Variants in PTPN3 observed in about 807,000 individuals in gnomAD.
The protein encoded by PTPN3 is protein tyrosine phosphatase non-receptor type 3.
PTPN3 carries 96 observed loss-of-function variants against 132.7 expected under a neutral mutation model. The ratio of observed to expected loss-of-function variants is 0.72; its 90% CI spans 0.61 to 0.86. The LOEUF (loss-of-function observed/expected upper bound fraction) is 0.86. Among genes scored for constraint, PTPN3 ranks in the 40% least tolerant of loss-of-function variants. The pLI is 0.00. For missense variants in PTPN3, 1,125 were observed against 1,159.6 expected, an observed-to-expected ratio of 0.97 and a Z score of 0.43; for synonymous variants, 398 against 429.0, an observed-to-expected ratio of 0.93 and a Z score of 0.89.
At chr9:109,523,116 CTT>C in the PTPN3 span, among the ~76,000 whole-genome samples, 487 of 140,104 alleles carry the variant, frequency 3.5e-3, 5 homozygotes, top group African/African-American at 0.011. Flanking sequence ...AAATTTATAT[CTT>C]TTTTTTTTTT....
intron 1 of PTPN3, among the ~76,000 whole-genome samples, chr9:109,497,747 T>C (rs2132136037): frequency 6.6e-6 from 1 of 152,192 alleles, no homozygotes; most frequent in African/African-American, 2.4e-5. Context: ...AATGCCATCT[T>C]TGAAAGCCGA....
intron 1 of PTPN3, among the ~76,000 whole-genome samples, chr9:109,467,471 G>C (rs1367749762): frequency 6.6e-6 from 1 of 152,126 alleles, no homozygotes; most frequent in East Asian, 1.9e-4. Flanking sequence ...TAAAGGAGTG[G>C]GTTTCCAGGG....
intron 7 of PTPN3, among the ~76,000 whole-genome samples, chr9:109,439,460 AC>A: frequency 6.6e-6 from 1 of 152,258 alleles, no homozygotes; most frequent in Non-Finnish European, 1.5e-5. Flanking sequence ...CCTCCTGAGG[AC>A]TCTCAATTCA....
In PTPN3 at chr9:109,422,115, G is replaced by A. The variant is rs1333526712; in HGVS notation, c.1136+603C>T. On this transcript the variant is annotated intron_variant, in intron 13 of 25. Coordinates refer to ENST00000374541, the MANE Select transcript of PTPN3 (RefSeq NM_002829.4). The stretch of plus-strand genomic sequence containing the variant: ...TAGATATGGGGAAACTGAGGCTACA[G>A]AGGTAAAGAAACTTGTTAATTAACA... 1.1e-4 allele frequency among the ~76,000 whole-genome samples: 17 copies of A among 149,138 alleles called. No individual in the cohort carries two copies. In the Admixed American group the frequency reaches 1.2e-3, roughly 10 times the overall value.
chr9:109,447,148 A>G (rs1844918081), intron 6 of PTPN3, among the ~76,000 whole-genome samples: 1 of 152,184 alleles, frequency 6.6e-6, no homozygotes, highest in Non-Finnish European at 1.5e-5. Context: ...CCTGATTCAC[A>G]TGGAAATAAC....
the PTPN3 span, among the ~76,000 whole-genome samples, chr9:109,516,959 A>C: frequency 0.62 from 93,667 of 151,926 alleles, 29,090 homozygotes; most frequent in Admixed American, 0.71. Flanking sequence ...CCTCTTAGGC[A>C]CATGTGGATA....
At position 109,427,143 on chromosome 9, in the gene PTPN3, G is replaced by C. The variant is rs750373941; in HGVS notation, c.829-21C>G. The C allele has an allele frequency of 3.1e-6, 5 of 1,612,160 alleles. No homozygotes were observed. In the South Asian group the frequency reaches 4.4e-5, roughly 14 times the overall value. Reference sequence around the variant, plus strand: ...TCAGCCTGGGAGGAAAAACAGTCAAGATTTCACCCACACAGACATAGGAGC... The same window carrying C: ...TCAGCCTGGGAGGAAAAACAGTCAACATTTCACCCACACAGACATAGGAGC... On this transcript the variant is annotated intron_variant, in intron 11 of 25. Transcript: ENST00000374541.
chr9:109,520,824 G>A, the PTPN3 span, among the ~76,000 whole-genome samples: 3 of 152,172 alleles, frequency 2.0e-5, no homozygotes, highest in African/African-American at 4.8e-5. Flanking sequence ...GCAAAGACTC[G>A]AAAGTCCTGT....
the PTPN3 span, among the ~76,000 whole-genome samples, chr9:109,510,558 T>TAAAAAAAAAAAA: frequency 1.6e-4 from 12 of 74,128 alleles, no homozygotes; most frequent in African/African-American, 5.4e-4. Context: ...AACTTTGTCT[T>TAAAAAAAAAAAA]AAAAAAAAAA....
chr9:109,419,486 T>C (rs577935475), intron 14 of PTPN3, among the ~76,000 whole-genome samples: 1 of 152,260 alleles, frequency 6.6e-6, no homozygotes, highest in Non-Finnish European at 1.5e-5. Flanking sequence ...ATGACTATGG[T>C]TGATTTCCTA....
At chr9:109,380,311 A>G (rs761567569) in intron 25 of PTPN3, among the ~76,000 whole-genome samples, 1 of 152,044 alleles carries the variant, frequency 6.6e-6, no homozygotes, top group Non-Finnish European at 1.5e-5. Flanking sequence ...GCTGGAGTGC[A>G]GTGGCGTAAT....
At chr9:109,508,334 G>A in the PTPN3 span, among the ~76,000 whole-genome samples, 2 of 152,114 alleles carry the variant, frequency 1.3e-5, no homozygotes, top group Non-Finnish European at 2.9e-5. Flanking sequence ...CTAATTTTTT[G>A]TATTTTTAGT....
chr9:109,500,341 C>T (rs1156635691), upstream of PTPN3, among the ~76,000 whole-genome samples: 1 of 152,196 alleles, frequency 6.6e-6, no homozygotes, highest in Non-Finnish European at 1.5e-5. Context: ...TCTTTTCCCA[C>T]AGCTAACAGC....
chr9:109,485,766 C>A (rs374875317), intron 1 of PTPN3, among the ~76,000 whole-genome samples: 1 of 152,142 alleles, frequency 6.6e-6, no homozygotes, highest in Non-Finnish European at 1.5e-5. Context: ...TGTCCTGGAG[C>A]AGCTCACGAG....
intron 8 of PTPN3, 119 bp from the exon 9 acceptor site, chr9:109,437,089 A>G: frequency 6.9e-7 from 1 of 1,459,512 alleles, no homozygotes; most frequent in South Asian, 1.4e-5. Flanking sequence ...GCCTTATGTT[A>G]TCAATCTTCA....
intron 12 of PTPN3, among the ~76,000 whole-genome samples, chr9:109,425,907 G>C (rs1175379025): frequency 6.6e-6 from 1 of 151,488 alleles, no homozygotes; most frequent in Non-Finnish European, 1.5e-5. Context: ...CTAGCTACTC[G>C]GGAGGCTGAG....
the PTPN3 span, chr9:109,533,443 G>A: frequency 2.1e-6 from 3 of 1,454,792 alleles, no homozygotes; most frequent in Non-Finnish European, 2.9e-6. Flanking sequence ...ACCGCACCTG[G>A]CCGGTTTAGG....
the PTPN3 span, among the ~76,000 whole-genome samples, chr9:109,519,232 T>C: frequency 6.6e-6 from 1 of 152,222 alleles, no homozygotes; most frequent in Non-Finnish European, 1.5e-5. Context: ...CTTTCGACTT[T>C]ACAGTGGTGT....
intron 1 of PTPN3, among the ~76,000 whole-genome samples, chr9:109,489,190 T>A (rs1014067452): frequency 6.6e-6 from 1 of 152,298 alleles, no homozygotes; most frequent in South Asian, 2.1e-4. Flanking sequence ...TCCCTGCTCC[T>A]CCATCCAGCC....
Sources: allele counts gnomAD v4.1 joint callset (sites outside exome capture counted in the v4.1 genomes callset), GRCh38; gene constraint gnomAD v4.1.1; transcripts MANE v1.5; gene names NCBI Gene and HGNC (gene_info 2026-07-23, HGNC 2026-07-21).